The following GRID2 variants were observed in gnomAD, a reference collection of about 807,000 sequenced individuals.
The protein encoded by GRID2 is glutamate receptor ionotropic, delta-2.
Under a neutral mutation model 114.8 loss-of-function variants are expected in GRID2, and 33 were observed. The ratio of observed to expected loss-of-function variants is 0.29; its 90% CI spans 0.22 to 0.38. GRID2 has a LOEUF of 0.38. Among genes scored for constraint, GRID2 ranks in the 10% least tolerant of loss-of-function variants. The pLI is 1.00. For missense variants in GRID2, 1,184 were observed against 1,257.7 expected (o/e 0.94, Z 0.89); for synonymous variants, 505 against 449.9 (o/e 1.12, Z -1.55).
At chr4:92,575,461 T>C (rs1727841506) in intron 1 of GRID2, among the ~76,000 whole-genome samples, 2 of 152,328 alleles carry the variant, frequency 1.3e-5, no homozygotes. Context: ...TATCTACCCA[T>C]GATCTTTGAT....
intron 1 of GRID2, among the ~76,000 whole-genome samples, chr4:92,482,998 CT>C (rs1467977041): frequency 1.3e-5 from 2 of 152,110 alleles, no homozygotes; most frequent in Non-Finnish European, 2.9e-5. Flanking sequence ...ACAGAATACA[CT>C]AGACACATCT....
intron 8 of GRID2, among the ~76,000 whole-genome samples, chr4:93,350,420 T>C (rs1002018535): frequency 4.6e-5 from 7 of 152,172 alleles, no homozygotes; most frequent in Non-Finnish European, 8.8e-5. Context: ...ACAGAAGATA[T>C]TGCAGAGAAT....
intron 1 of GRID2, among the ~76,000 whole-genome samples, chr4:92,401,802 G>C (rs1730801040): frequency 6.6e-6 from 1 of 152,116 alleles, no homozygotes; most frequent in Non-Finnish European, 1.5e-5. Flanking sequence ...TGATGGTTAG[G>C]GTGGCTGTGG....
At chr4:93,078,106 C>T (rs1273897835) in intron 2 of GRID2, among the ~76,000 whole-genome samples, 2 of 152,174 alleles carry the variant, frequency 1.3e-5, no homozygotes, top group African/African-American at 4.8e-5. Context: ...ACTCCAGCCA[C>T]TTGGCTCCTC....
rs76768839 is a variant in GRID2 at position 93,722,406 on chromosome 4, A to G, written c.2361-46804A>G. On this transcript the variant is annotated intron_variant, in intron 14 of 15. Coordinates refer to ENST00000282020, the MANE Select transcript of GRID2 (RefSeq NM_001510.4). Reference sequence around the variant, plus strand: ...ACCAGGAACTTTAACACAAATTTCTAAACTCAGAAACATATTCTATGTTAT... The same window carrying G: ...ACCAGGAACTTTAACACAAATTTCTGAACTCAGAAACATATTCTATGTTAT... Among the ~76,000 whole-genome samples the G allele has an allele frequency of 2.7e-3, 411 of 152,290 alleles. 1 individual carries two copies. The highest frequency in any genetic ancestry group is 8.8e-3 in the African/African-American group (365 of 41,550).
intron 13 of GRID2, among the ~76,000 whole-genome samples, chr4:93,613,456 G>A (rs1298155388): frequency 1.0e-5 from 1 of 96,980 alleles, no homozygotes; most frequent in African/African-American, 4.0e-5. Context: ...TCTACTTTTG[G>A]TCTTTGATGA....
At chr4:92,504,182 C>A (rs1383995810) in intron 1 of GRID2, among the ~76,000 whole-genome samples, 1 of 151,494 alleles carries the variant, frequency 6.6e-6, no homozygotes, top group South Asian at 2.1e-4. Flanking sequence ...ATTTCCATAC[C>A]CAGAAGAGAG....
rs141400595 is a variant in GRID2 at position 92,923,479 on chromosome 4, A to G, written c.245-161516A>G. On this transcript the variant is annotated intron_variant, in intron 2 of 15. Transcript: ENST00000282020. ...AAAGATACAAATTCAAGTGAATAGTACTAATACCATATTTAATTAGAAATC... is the reference window on the plus strand; with the variant it reads ...AAAGATACAAATTCAAGTGAATAGTGCTAATACCATATTTAATTAGAAATC... 1.2e-3 allele frequency among the ~76,000 whole-genome samples: 187 copies of G among 152,236 alleles called. 2 individuals carry two copies. The highest frequency in any genetic ancestry group is 1.9e-3 in the Non-Finnish European group (129 of 68,002).
At chr4:92,494,546 A>G (rs904240429) in intron 1 of GRID2, among the ~76,000 whole-genome samples, 3 of 152,022 alleles carry the variant, frequency 2.0e-5, no homozygotes, top group African/African-American at 7.2e-5. Flanking sequence ...GCTTTGTTTT[A>G]TCTCATTTAT....
chr4:93,262,418 T>G (rs1750353610), intron 8 of GRID2, among the ~76,000 whole-genome samples: 1 of 151,916 alleles, frequency 6.6e-6, no homozygotes, highest in African/African-American at 2.4e-5. Flanking sequence ...TGAAGAATAT[T>G]AAGGATTGTG....
intron 2 of GRID2, among the ~76,000 whole-genome samples, 196 bp from the exon 3 acceptor site, chr4:93,084,799 A>G (rs1730187410): frequency 6.6e-6 from 1 of 152,218 alleles, no homozygotes; most frequent in Admixed American, 6.5e-5. Flanking sequence ...AAGGTCGCAT[A>G]GATAATAAGA....
At position 92,818,592 on chromosome 4, in the gene GRID2, T is replaced by A. The variant is rs115778654; in HGVS notation, c.244+228306T>A. Among the ~76,000 whole-genome samples the A allele has an allele frequency of 4.8e-3, 737 of 152,254 alleles. 8 individuals are homozygous for A. The highest frequency in any genetic ancestry group is 0.017 in the African/African-American group (698 of 41,574). Reference sequence around the variant, plus strand: ...ACTTATTAGCTGTTCAATTTAGTTTTAAGTAAATGGGCAAGTGGCAAATAT... The same window carrying A: ...ACTTATTAGCTGTTCAATTTAGTTTAAAGTAAATGGGCAAGTGGCAAATAT... On this transcript the variant is annotated intron_variant, in intron 2 of 15. Coordinates refer to ENST00000282020, the MANE Select transcript of GRID2 (RefSeq NM_001510.4).
At chr4:92,364,674 TAG>T (rs1728767463) in intron 1 of GRID2, among the ~76,000 whole-genome samples, 1 of 151,956 alleles carries the variant, frequency 6.6e-6, no homozygotes, top group Non-Finnish European at 1.5e-5. Context: ...TCAGCAGAAG[TAG>T]AGAGTAGTTT....
At chr4:93,193,816 A>G (rs1741223685) in intron 4 of GRID2, among the ~76,000 whole-genome samples, 1 of 152,202 alleles carries the variant, frequency 6.6e-6, no homozygotes, top group Admixed American at 6.5e-5. Flanking sequence ...AAAATAGACG[A>G]AGAAAGTCTT....
intron 2 of GRID2, among the ~76,000 whole-genome samples, chr4:93,074,279 C>T (rs1729070391): frequency 6.6e-6 from 1 of 152,184 alleles, no homozygotes; most frequent in South Asian, 2.1e-4. Flanking sequence ...TTACCTCAGT[C>T]TGCAGTCTCT....
intron 13 of GRID2, among the ~76,000 whole-genome samples, chr4:93,590,975 T>C (rs1026582302): frequency 5.9e-5 from 9 of 151,788 alleles, no homozygotes; most frequent in Non-Finnish European, 1.5e-5. Flanking sequence ...TGGGGTTTTC[T>C]AGATATACAA....
At chr4:92,638,611 A>G (rs1731189172) in intron 2 of GRID2, among the ~76,000 whole-genome samples, 1 of 150,056 alleles carries the variant, frequency 6.7e-6, no homozygotes, top group Non-Finnish European at 1.5e-5. Context: ...AAGTGAAATA[A>G]TTGCACAGTG....
chr4:92,348,932 T>G (rs1285244365), intron 1 of GRID2, among the ~76,000 whole-genome samples: 2 of 152,052 alleles, frequency 1.3e-5, no homozygotes, highest in Non-Finnish European at 2.9e-5. Flanking sequence ...TGGCCTTAAA[T>G]TGGTGGACCT....
At chr4:93,603,191 C>G (rs61633568) in intron 13 of GRID2, among the ~76,000 whole-genome samples, 10,906 of 151,212 alleles carry the variant, frequency 0.072, 746 homozygotes, top group African/African-American at 0.18. Context: ...GCCTAGGGGA[C>G]AAAAGCAAGA....
Sources: gnomAD v4.1 joint callset for allele counts (sites outside exome capture counted in the v4.1 genomes callset) on GRCh38, gnomAD v4.1.1 for gene constraint, MANE v1.5 for transcripts, NCBI Gene and HGNC (gene_info 2026-07-23, HGNC 2026-07-21) for gene names.